The following SLCO6A1 variants were observed in gnomAD, a reference collection of about 807,000 sequenced individuals.
SLCO6A1 encodes the protein cancer/testis antigen 48.
SLCO6A1 carries 65 observed loss-of-function variants against 72.7 expected under a neutral mutation model. The observed-to-expected ratio is 0.89, with a 90% CI of 0.73 to 1.10. The LOEUF (loss-of-function observed/expected upper bound fraction) is 1.10, where lower values mean the gene tolerates loss of function less well. Ranked by LOEUF, SLCO6A1 falls within the 50% of genes least tolerant of loss-of-function variation. The pLI is 0.00. For synonymous variants in SLCO6A1, 314 were observed against 298.2 expected, an observed-to-expected ratio of 1.05 and a Z score of -0.55; for missense variants, 874 against 872.6, an observed-to-expected ratio of 1.00 and a Z score of -0.02.
At chr5:102,456,019 A>G (rs535753068) in intron 6 of SLCO6A1, among the ~76,000 whole-genome samples, 3 of 152,314 alleles carry the variant, frequency 2.0e-5, no homozygotes, top group Admixed American at 6.5e-5. Context: ...TGATTATCTC[A>G]ATATATGCAG....
intron 8 of SLCO6A1, among the ~76,000 whole-genome samples, chr5:102,414,044 T>C (rs534257066): frequency 6.6e-6 from 1 of 152,266 alleles, no homozygotes; most frequent in South Asian, 2.1e-4. Flanking sequence ...TTTCATACCA[T>C]AAACAAGTTC....
At chr5:102,436,264 T>G (rs1272676808) in intron 7 of SLCO6A1, among the ~76,000 whole-genome samples, 1 of 152,158 alleles carries the variant, frequency 6.6e-6, no homozygotes, top group African/African-American at 2.4e-5. Context: ...ATAGATGATA[T>G]GCAGTTGGCT....
Position 102,483,258 on chromosome 5 carries a change from G to A in SLCO6A1, c.359-2824C>T, listed in dbSNP as rs1263137596. Among the ~76,000 whole-genome samples, 10 of 152,234 alleles carry A rather than the reference G, an allele frequency of 6.6e-5. No homozygotes were observed. The East Asian group carries it at 1.7e-3, about 26-fold the overall frequency. On this transcript the variant is annotated intron_variant, in intron 1 of 13. Transcript: ENST00000506729. The stretch of plus-strand genomic sequence containing the variant: ...ACACAGCCTTTCTAATTACCAAATG[G>A]TCAAACCACTGGGCAATGTTTGGCA...
At chr5:102,428,190 T>C (rs1749019004) in intron 7 of SLCO6A1, among the ~76,000 whole-genome samples, 1 of 151,882 alleles carries the variant, frequency 6.6e-6, no homozygotes, top group Non-Finnish European at 1.5e-5. Flanking sequence ...ATATTATTTC[T>C]ATCTTCAAGA....
intron 12 of SLCO6A1, among the ~76,000 whole-genome samples, chr5:102,380,413 C>T (rs1035294500): frequency 6.6e-6 from 1 of 151,926 alleles, no homozygotes; most frequent in African/African-American, 2.4e-5. Context: ...GACTTCCTTG[C>T]CAACAAAAAG....
At chr5:102,426,205 A>G (rs1378102701) in intron 7 of SLCO6A1, among the ~76,000 whole-genome samples, 1 of 152,168 alleles carries the variant, frequency 6.6e-6, no homozygotes, top group Non-Finnish European at 1.5e-5. Context: ...GGACATAGGC[A>G]TGGGCAAAGA....
intron 9 of SLCO6A1, among the ~76,000 whole-genome samples, chr5:102,405,716 C>T (rs10054879): frequency 0.19 from 28,315 of 151,828 alleles, 3,514 homozygotes; most frequent in Non-Finnish European, 0.24. Flanking sequence ...TGATGCTGAG[C>T]GAAACTCACA....
At chr5:102,386,569 G>C (rs1274762370) in intron 12 of SLCO6A1, among the ~76,000 whole-genome samples, 10 of 152,108 alleles carry the variant, frequency 6.6e-5, no homozygotes, top group Non-Finnish European at 1.2e-4. Context: ...GGCTGGCCTG[G>C]AAGTTGGGTC....
At chr5:102,440,324 A>G (rs1749766496) in intron 6 of SLCO6A1, among the ~76,000 whole-genome samples, 1 of 152,156 alleles carries the variant, frequency 6.6e-6, no homozygotes, top group East Asian at 1.9e-4. Flanking sequence ...GCATCCTGTT[A>G]GATCAGCAGC....
intron 1 of SLCO6A1, among the ~76,000 whole-genome samples, chr5:102,491,728 C>T (rs570175947): frequency 7.9e-5 from 12 of 152,336 alleles, no homozygotes; most frequent in African/African-American, 2.6e-4. Context: ...CGTGCCTCTC[C>T]CTCCACACCT....
rs188324842 is a variant in SLCO6A1, at chr5:102,487,621, G to A, written c.359-7187C>T. Among the ~76,000 whole-genome samples, 37 of 152,216 alleles carry A rather than the reference G, an allele frequency of 2.4e-4. No individual in the cohort carries two copies. The East Asian group carries it at 2.9e-3, about 12-fold the overall frequency. On this transcript the variant is annotated intron_variant, in intron 1 of 13. Transcript: ENST00000506729. ...GGTGACTTCATGTATCTTGCAAGTC[G>A]CAGCATGGACCATCACAATTCTGGC...
chr5:102,375,731 C>T lies in SLCO6A1; in HGVS notation c.2018-2237G>A, dbSNP rs555555664. Among the ~76,000 whole-genome samples the T allele has an allele frequency of 2.0e-5, 3 of 152,022 alleles. No individual in the cohort carries two copies. In the East Asian group the frequency reaches 5.8e-4, roughly 29 times the overall value. Reference sequence around the variant, plus strand: ...ATAGAAATACAAACTACAAAATGAACTTCGTAAAATAACTAGAAATTAAAA... The same window carrying T: ...ATAGAAATACAAACTACAAAATGAATTTCGTAAAATAACTAGAAATTAAAA... On this transcript the variant is annotated intron_variant, in intron 12 of 13. Transcript: ENST00000506729.
chr5:102,399,162 G>A (rs1747261167), intron 10 of SLCO6A1, among the ~76,000 whole-genome samples: 1 of 152,066 alleles, frequency 6.6e-6, no homozygotes, highest in Non-Finnish European at 1.5e-5. Context: ...CTTTGTTGAT[G>A]ACACTCATGC....
chr5:102,422,637 AC>A (rs1748670487), intron 7 of SLCO6A1, among the ~76,000 whole-genome samples: 1 of 152,214 alleles, frequency 6.6e-6, no homozygotes, highest in Non-Finnish European at 1.5e-5. Context: ...AAAAGACCAA[AC>A]CTATGATTGA....
At chr5:102,430,043 G>A (rs560759464) in intron 7 of SLCO6A1, among the ~76,000 whole-genome samples, 55 of 152,094 alleles carry the variant, frequency 3.6e-4, no homozygotes, top group African/African-American at 1.1e-3. Flanking sequence ...GCATTCCTAG[G>A]TATTTAAATC....
chr5:102,459,370 T>C lies in SLCO6A1; in HGVS notation c.1021+286A>G, dbSNP rs1436270330. On this transcript the variant is annotated intron_variant, in intron 5 of 13. Transcript: ENST00000506729. Reference sequence around the variant, plus strand: ...AGAAGTTTGAGTCTGCAGTGATCTGTGATCATACCACTGCACTCAGCCTGA... The same window carrying C: ...AGAAGTTTGAGTCTGCAGTGATCTGCGATCATACCACTGCACTCAGCCTGA... Among the ~76,000 whole-genome samples, 6 of 152,122 alleles carry C rather than the reference T, an allele frequency of 3.9e-5. No homozygotes were observed. The East Asian group carries it at 1.2e-3, about 29-fold the overall frequency.
At chr5:102,495,104 CA>C (rs1218702897) in intron 1 of SLCO6A1, among the ~76,000 whole-genome samples, 1 of 152,034 alleles carries the variant, frequency 6.6e-6, no homozygotes, top group Admixed American at 6.6e-5. Context: ...GAATGAATCT[CA>C]AAACCATCAA....
At chr5:102,396,008 G>A (rs1747058276) in intron 10 of SLCO6A1, among the ~76,000 whole-genome samples, 1 of 151,848 alleles carries the variant, frequency 6.6e-6, no homozygotes, top group Admixed American at 6.6e-5. Flanking sequence ...TCACTCTGAT[G>A]GTAGTTTCTT....
intron 7 of SLCO6A1, among the ~76,000 whole-genome samples, chr5:102,432,024 A>G (rs1360494143): frequency 1.3e-5 from 2 of 152,128 alleles, no homozygotes; most frequent in Non-Finnish European, 2.9e-5. Context: ...GTTTATTTAA[A>G]GTCTGAAATT....
Sources: gnomAD v4.1 joint callset for allele counts (sites outside exome capture counted in the v4.1 genomes callset) on GRCh38, gnomAD v4.1.1 for gene constraint, MANE v1.5 for transcripts, NCBI Gene and HGNC (gene_info 2026-07-23, HGNC 2026-07-21) for gene names.